Variants in CHD6 observed in about 807,000 individuals in gnomAD.
CHD6 encodes ATP-dependent chromatin remodeler CHD6.
In CHD6, 50 loss-of-function variants were observed where a neutral mutation model predicts 276.9. The ratio of observed to expected loss-of-function variants is 0.18; its 90% confidence interval spans 0.14 to 0.23. The LOEUF (loss-of-function observed/expected upper bound fraction) is 0.23. Among genes scored for constraint, CHD6 ranks in the 10% least tolerant of loss-of-function variants. CHD6 has a pLI of 1.00. For missense variants in CHD6, 2,564 were observed against 3,365.8 expected (o/e 0.76, Z 5.89); for synonymous variants, 1,173 against 1,229.3 (o/e 0.95, Z 0.96).
At chr20:41,599,110 T>C (rs1410541574) in intron 1 of CHD6, among the ~76,000 whole-genome samples, 3 of 152,326 alleles carry the variant, frequency 2.0e-5, no homozygotes, top group Admixed American at 6.5e-5. Context: ...ATAAATTACA[T>C]TTACTATAAT....
At position 41,405,537 on chromosome 20, in the gene CHD6, G is replaced by A. The variant is rs370251343; in HGVS notation, c.7252-48C>T. 4.1e-6 allele frequency: 6 copies of A among 1,447,794 alleles called. No individual in the cohort carries two copies. In the African/African-American group the frequency reaches 4.3e-5, roughly 10 times the overall value. 89.7% of individuals were successfully genotyped at this position (1,447,794 alleles called of 1,614,324 possible). On this transcript the variant is annotated intron_variant, in intron 36 of 36. Coordinates refer to ENST00000373233, the MANE Select transcript of CHD6 (RefSeq NM_032221.5). ...AATGCTGAAGGCAACAGGATGGCAG[G>A]TGGTCAGCTGAGGGTGATGACCAGG...
intron 3 of CHD6, among the ~76,000 whole-genome samples, chr20:41,522,693 T>G (rs947238310): frequency 6.6e-5 from 10 of 151,928 alleles, no homozygotes; most frequent in African/African-American, 2.2e-4. Flanking sequence ...TTTATTGAAA[T>G]AAGTTTATAA....
chr20:41,405,803 G>C (rs550776359), intron 36 of CHD6, among the ~76,000 whole-genome samples: 10 of 152,232 alleles, frequency 6.6e-5, no homozygotes. Context: ...AGAGAGTGGG[G>C]AGCTGGAGAA....
chr20:41,412,278 G>A lies in CHD6; in HGVS notation c.7132-15C>T. On this transcript the variant is annotated splice_polypyrimidine_tract_variant and intron_variant, in intron 35 of 36. Transcript: ENST00000373233. ...TCTGAAAAATTCTAGGATGAAAACG[G>A]AGACCAATATTACAAAACATGCTAT... is the stretch of plus-strand genomic sequence containing the variant. 6.2e-7 allele frequency: 1 copy of A among 1,613,796 alleles called. No homozygotes were observed.
chr20:41,467,995 C>G (rs1209746352), intron 17 of CHD6, among the ~76,000 whole-genome samples: 1 of 151,970 alleles, frequency 6.6e-6, no homozygotes, highest in African/African-American at 2.4e-5. Flanking sequence ...AATATTCTTC[C>G]TTCTTATCTC....
In CHD6 at chr20:41,473,667, C is replaced by T. The variant is rs1346190602; in HGVS notation, c.2469-150G>A. 8.0e-6 allele frequency: 5 copies of T among 624,014 alleles called. No homozygotes were observed. The East Asian group carries it at 1.4e-4, about 17-fold the overall frequency. 38.7% of individuals were successfully genotyped at this position (624,014 alleles called of 1,614,324 possible). A position where few individuals can be genotyped will look rare whatever the true frequency, so the allele number is the denominator to read the frequency against. ...ACAGCAGTCTAGAAGGAATCCTGCCCCCTACATATGCAGCAGGGCAGACAC... is the reference window on the plus strand; with the variant it reads ...ACAGCAGTCTAGAAGGAATCCTGCCTCCTACATATGCAGCAGGGCAGACAC... On this transcript the variant is annotated intron_variant, in intron 16 of 36. Coordinates refer to ENST00000373233, the MANE Select transcript of CHD6 (RefSeq NM_032221.5). This position sits in a 1 kb window ranked among gnomAD's most constrained non-coding sequence, Gnocchi z 4.1.
At chr20:41,584,768 C>T (rs2146243769) in intron 1 of CHD6, among the ~76,000 whole-genome samples, 1 of 152,082 alleles carries the variant, frequency 6.6e-6, no homozygotes, top group East Asian at 1.9e-4. Context: ...GAATCAAAAT[C>T]AAAACAACAT....
intron 1 of CHD6, among the ~76,000 whole-genome samples, chr20:41,587,828 ACCAAAAAAAAC>A (rs1486795767): frequency 2.4e-5 from 3 of 122,534 alleles, no homozygotes; most frequent in South Asian, 2.5e-4. Context: ...TGAAAAACAA[ACCAAAAAAAAC>A]CCAAAAAAAC....
intron 1 of CHD6, among the ~76,000 whole-genome samples, chr20:41,566,668 G>A (rs1162878907): frequency 6.6e-6 from 1 of 152,148 alleles, no homozygotes; most frequent in Non-Finnish European, 1.5e-5. Flanking sequence ...GGAACCAGGG[G>A]TCACCCCGTC....
intron 1 of CHD6, among the ~76,000 whole-genome samples, chr20:41,616,959 C>CG (rs1204916807): frequency 2.6e-5 from 4 of 152,058 alleles, no homozygotes; most frequent in Non-Finnish European, 5.9e-5. Context: ...TGGTCTGCCC[C>CG]GGTGTTTTTT....
chr20:41,410,948 G>A (rs766828268), intron 36 of CHD6, among the ~76,000 whole-genome samples: 3 of 152,168 alleles, frequency 2.0e-5, no homozygotes, highest in Non-Finnish European at 2.9e-5. Flanking sequence ...GGGAGGCAGC[G>A]TGAAGGGGTG....
intron 1 of CHD6, among the ~76,000 whole-genome samples, chr20:41,566,826 C>T (rs1333760051): frequency 1.3e-5 from 2 of 152,194 alleles, no homozygotes; most frequent in Non-Finnish European, 1.5e-5. Context: ...CTGATCTCAT[C>T]TGCCCAGTGT....
Position 41,449,006 on chromosome 20 carries a change from G to A in CHD6, c.3684-1035C>T, listed in dbSNP as rs139281386. On this transcript the variant is annotated intron_variant, in intron 23 of 36. Transcript: ENST00000373233. ...AACCTCCCCCTCCTGGGTTCAAGCG[G>A]TTCTCCTGCCTCAGCCTCCCGAGTA... Among the ~76,000 whole-genome samples, 398 of 151,830 alleles carry A rather than the reference G, an allele frequency of 2.6e-3. 2 individuals are homozygous for A. Among genetic ancestry groups the A allele is most frequent in the African/African-American group, 9.1e-3 (377 of 41,408 alleles).
At chr20:41,562,866 A>C (rs569023990) in intron 1 of CHD6, among the ~76,000 whole-genome samples, 1 of 152,342 alleles carries the variant, frequency 6.6e-6, no homozygotes, top group Non-Finnish European at 1.5e-5. Context: ...GATCTTACAC[A>C]CAGCTGTAAA....
At chr20:41,535,708 T>A (rs934737698) in intron 2 of CHD6, among the ~76,000 whole-genome samples, 3 of 151,250 alleles carry the variant, frequency 2.0e-5, no homozygotes, top group Admixed American at 6.6e-5. Flanking sequence ...AAAAAAAAAA[T>A]TTAAAACATT....
At position 41,579,437 on chromosome 20, in the gene CHD6, C is replaced by CAAAAAAA. The variant is rs574347177; in HGVS notation, c.-23-28084_-23-28078dup. ...TGGGCGACAGAGTGAGACTCTGTCT[C>CAAAAAAA]AAAAAAAAAAAAAAAAAATCTTAAA... On this transcript the variant is annotated intron_variant, in intron 1 of 36. Coordinates refer to ENST00000373233, the MANE Select transcript of CHD6 (RefSeq NM_032221.5). Among the ~76,000 whole-genome samples the CAAAAAAA allele has an allele frequency of 1.1e-4, 8 of 69,972 alleles. 1 individual carries two copies. Among genetic ancestry groups the CAAAAAAA allele is most frequent in the Non-Finnish European group, 2.1e-4 (8 of 37,274 alleles). 45.9% of individuals were successfully genotyped at this position (69,972 alleles called of 152,430 possible). A position where few individuals can be genotyped will look rare whatever the true frequency, so the allele number is the denominator to read the frequency against.
intron 11 of CHD6, among the ~76,000 whole-genome samples, chr20:41,491,463 G>A (rs1323933966): frequency 6.6e-6 from 1 of 150,532 alleles, no homozygotes; most frequent in Middle Eastern, 3.4e-3. Flanking sequence ...TGGTGTGGCT[G>A]GCCAAAAAAA....
At position 41,404,745 on chromosome 20, in the gene CHD6, T is replaced by C. The variant is rs2046621050; in HGVS notation, c.7996A>G (p.Asn2666Asp). 6.2e-7 allele frequency: 1 copy of C among 1,605,464 alleles called. No homozygotes were observed. The highest frequency in any genetic ancestry group is 1.1e-5 in the South Asian group (1 of 89,692). ...KKKKTKGDNP[N>D]SHPEPAPSCE... The stretch of plus-strand genomic sequence containing the variant: ...CTGGGAGCAGGCTCTGGGTGGGAGT[T>C]GGGGTTGTCCCCCTTTGTCTTCTTC... The change falls in exon 37 of 37, where the codon AAC becomes GAC. Residue 2666 changes from asparagine to aspartate, a missense_variant. By Grantham distance (23) the Asn-to-Asp change is conservative. This residue lies in a region of CHD6 where 238 missense variants were observed against 266.0 expected (regional missense o/e 0.89). Coordinates refer to ENST00000373233, the MANE Select transcript of CHD6 (RefSeq NM_032221.5).
intron 34 of CHD6, chr20:41,414,794 G>C: frequency 1.8e-6 from 2 of 1,092,816 alleles, no homozygotes; most frequent in Non-Finnish European, 2.2e-6. Context: ...CATTCAGGTA[G>C]CCCTGACTCC....
Sources: allele counts gnomAD v4.1 joint callset (sites outside exome capture counted in the v4.1 genomes callset), GRCh38; gene constraint gnomAD v4.1.1; regional missense constraint gnomAD v4.1.1; non-coding constraint Gnocchi (gnomAD v3.1); transcripts MANE v1.5; gene names NCBI Gene and HGNC (gene_info 2026-07-23, HGNC 2026-07-21).